CACNG3: variants seen among roughly 807,000 people sequenced by gnomAD.
The protein encoded by CACNG3 is calcium voltage-gated channel auxiliary subunit gamma 3.
CACNG3 carries 3 observed loss-of-function variants against 28.5 expected under a neutral mutation model. That is an observed-to-expected ratio of 0.11 (90% CI 0.05 to 0.27). The LOEUF is 0.27. CACNG3 is among the 10% of genes least tolerant of loss of function. The pLI is 1.00. For missense variants in CACNG3, 236 were observed against 414.4 expected, an observed-to-expected ratio of 0.57 and a Z score of 3.74; for synonymous variants, 174 against 162.2, an observed-to-expected ratio of 1.07 and a Z score of -0.55.
chr16:24,302,074 T>C (rs1899119927), intron 1 of CACNG3, among the ~76,000 whole-genome samples: 1 of 152,208 alleles, frequency 6.6e-6, no homozygotes, highest in African/African-American at 2.4e-5. Flanking sequence ...GCTATCCCCA[T>C]GCTCAGAACC....
At chr16:24,294,385 G>C (rs934699569) in intron 1 of CACNG3, among the ~76,000 whole-genome samples, 1 of 152,172 alleles carries the variant, frequency 6.6e-6, no homozygotes, top group Admixed American at 6.5e-5. Context: ...CATTAATGCT[G>C]CCCATGGGCT....
chr16:24,260,926 G>A (rs913098390), intron 1 of CACNG3, among the ~76,000 whole-genome samples: 9 of 152,172 alleles, frequency 5.9e-5, no homozygotes, highest in Admixed American at 5.9e-4. Flanking sequence ...TGTTCAATAT[G>A]TGACTCTCTC....
At position 24,354,895 on chromosome 16, in the gene CACNG3, C is replaced by A; in HGVS notation, c.358C>A (p.Leu120Ile). 1 of 1,612,376 alleles carries A rather than the reference C, an allele frequency of 6.2e-7. No individual in the cohort carries two copies. The highest frequency in any genetic ancestry group is 2.2e-5 in the East Asian group (1 of 44,884). ...LSVTLLFFGG[L>I]CVAASEFHRS... ...TGTCACGCTGCTGTTCTTCGGCGGG[C>A]TCTGCGTGGCAGCCAGTGAGTTCCA... Residue 120 changes from leucine to isoleucine, a missense_variant, in exon 3 of 4, where the codon CTC becomes ATC. Leu to Ile is a conservative substitution (Grantham distance 5). Transcript: ENST00000005284.
chr16:24,345,108 A>G (rs1265803446), intron 1 of CACNG3, among the ~76,000 whole-genome samples: 1 of 152,212 alleles, frequency 6.6e-6, no homozygotes, highest in Non-Finnish European at 1.5e-5. Context: ...AGCCATTATT[A>G]TGACATGCCT....
chr16:24,328,127 C>G (rs1386951314), intron 1 of CACNG3, among the ~76,000 whole-genome samples: 1 of 152,080 alleles, frequency 6.6e-6, no homozygotes, highest in African/African-American at 2.4e-5. Flanking sequence ...TCATTAAACT[C>G]ATAATTAATC....
At chr16:24,339,585 C>T (rs976105711) in intron 1 of CACNG3, among the ~76,000 whole-genome samples, 2 of 152,138 alleles carry the variant, frequency 1.3e-5, no homozygotes, top group Non-Finnish European at 2.9e-5. Flanking sequence ...GGGGTTTCAC[C>T]ATGCTGGCCA....
intron 3 of CACNG3, among the ~76,000 whole-genome samples, chr16:24,359,990 G>A (rs1012491240): frequency 2.0e-5 from 3 of 152,228 alleles, no homozygotes; most frequent in Admixed American, 2.0e-4. Context: ...CCCTTTGGTT[G>A]CTGGACTGTA....
At chr16:24,306,772 C>T (rs1899190990) in intron 1 of CACNG3, among the ~76,000 whole-genome samples, 1 of 152,146 alleles carries the variant, frequency 6.6e-6, no homozygotes, top group Admixed American at 6.5e-5. Flanking sequence ...TCATTCAGCC[C>T]ACCCACTCCA....
chr16:24,264,965 A>G (rs2141344685), intron 1 of CACNG3, among the ~76,000 whole-genome samples: 1 of 152,318 alleles, frequency 6.6e-6, no homozygotes, highest in South Asian at 2.1e-4. Flanking sequence ...TCTGCAGGCC[A>G]TGGTGGATCA....
rs1418969931 is a variant in CACNG3 at position 24,355,408 on chromosome 16, T to TA, written c.436+436dup. Among the ~76,000 whole-genome samples, 8 of 152,116 alleles carry TA rather than the reference T, an allele frequency of 5.3e-5. No homozygotes were observed. The East Asian group carries it at 1.6e-3, about 30-fold the overall frequency. On this transcript the variant is annotated intron_variant, in intron 3 of 3. Coordinates refer to ENST00000005284, the MANE Select transcript of CACNG3 (RefSeq NM_006539.4). ...GGCAGCACAGTGAGACCCTCATCTCTACAAAAAACAATGTTAATTAAAAAA... is the reference window on the plus strand; with the variant it reads ...GGCAGCACAGTGAGACCCTCATCTCTAACAAAAAACAATGTTAATTAAAAAA...
chr16:24,281,374 CT>C (rs35072070), intron 1 of CACNG3, among the ~76,000 whole-genome samples: 1,830 of 147,406 alleles, frequency 0.012, 15 homozygotes, highest in Non-Finnish European at 0.02. Context: ...AATTTTTTGA[CT>C]TTTTTTTTTT....
At chr16:24,327,165 G>A (rs76012853) in intron 1 of CACNG3, among the ~76,000 whole-genome samples, 13,087 of 126,472 alleles carry the variant, frequency 0.1, 944 homozygotes, top group Middle Eastern at 0.16. Context: ...CCATAGCAAT[G>A]AGAGAAGGAA....
intron 1 of CACNG3, among the ~76,000 whole-genome samples, chr16:24,260,470 GC>G (rs1158215654): frequency 6.6e-6 from 1 of 152,198 alleles, no homozygotes; most frequent in Non-Finnish European, 1.5e-5. Flanking sequence ...AGGAAACTGA[GC>G]CCTGGGGGAT....
Position 24,285,535 on chromosome 16 carries a change from T to A in CACNG3, c.211+28570T>A, listed in dbSNP as rs1300669082. ...GGAGAAGGAGCATCATTTGCTTTTG[T>A]TTAAATTAAATCAGAGCCAGACACA... On this transcript the variant is annotated intron_variant, in intron 1 of 3. Coordinates refer to ENST00000005284, the MANE Select transcript of CACNG3 (RefSeq NM_006539.4). 4.6e-5 allele frequency among the ~76,000 whole-genome samples: 7 copies of A among 152,132 alleles called. 1 individual carries two copies. Among genetic ancestry groups the A allele is most frequent in the Non-Finnish European group, 1.0e-4 (7 of 68,024 alleles).
rs200987340 is a variant in CACNG3 at position 24,342,546 on chromosome 16, G to A, written c.212-4188G>A. Among the ~76,000 whole-genome samples the A allele has an allele frequency of 2.0e-5, 3 of 152,186 alleles. No individual in the cohort carries two copies. The East Asian group carries it at 5.8e-4, about 29-fold the overall frequency. ...CTTTAAACCGGGGACCAGCAAAATT[G>A]TTGTTAAACAGCCAGAGAGTAAATA... On this transcript the variant is annotated intron_variant, in intron 1 of 3. Transcript: ENST00000005284.
intron 1 of CACNG3, among the ~76,000 whole-genome samples, chr16:24,319,823 T>A (rs1159990179): frequency 6.6e-6 from 1 of 152,072 alleles, no homozygotes; most frequent in African/African-American, 2.4e-5. Context: ...CAGGCTGGAG[T>A]GCAGTGGCAC....
intron 1 of CACNG3, among the ~76,000 whole-genome samples, chr16:24,265,374 G>GAAAA (rs1898589411): frequency 2.3e-5 from 2 of 85,892 alleles, no homozygotes; most frequent in African/African-American, 1.1e-4. Flanking sequence ...AAAGAAAAAA[G>GAAAA]AAAGAAAGAA....
At chr16:24,356,055 C>T (rs1222717401) in intron 3 of CACNG3, among the ~76,000 whole-genome samples, 1 of 152,196 alleles carries the variant, frequency 6.6e-6, no homozygotes, top group Non-Finnish European at 1.5e-5. Flanking sequence ...GTCTTCCTTG[C>T]TTCCCTCTGG....
At chr16:24,269,720 C>T (rs1293911404) in intron 1 of CACNG3, among the ~76,000 whole-genome samples, 1 of 131,624 alleles carries the variant, frequency 7.6e-6, no homozygotes, top group Non-Finnish European at 1.5e-5. Context: ...GCACTCCAGC[C>T]TGGGCAACAG....
Sources: allele counts gnomAD v4.1 joint callset (sites outside exome capture counted in the v4.1 genomes callset), GRCh38; gene constraint gnomAD v4.1.1; transcripts MANE v1.5; gene names NCBI Gene and HGNC (gene_info 2026-07-23, HGNC 2026-07-21).